The following TUSC3 variants were observed in gnomAD, a reference collection of about 807,000 sequenced individuals.
TUSC3 encodes tumor suppressor candidate 3.
Under a neutral mutation model 44.8 loss-of-function variants are expected in TUSC3, and 45 were observed. The ratio of observed to expected loss-of-function variants is 1.00; its 90% CI spans 0.79 to 1.29. The LOEUF (loss-of-function observed/expected upper bound fraction) is 1.29, where lower values mean the gene tolerates loss of function less well. TUSC3 is among the 50% of genes most tolerant of loss of function. The probability of loss-of-function intolerance (pLI) is 0.00; values close to 1 mark genes in which losing one functional copy is unlikely to be tolerated. For missense variants in TUSC3, 519 were observed against 437.9 expected (o/e 1.19, Z -1.65); for synonymous variants, 212 against 152.9 (o/e 1.39, Z -2.85).
At chr8:15,707,475 CA>C (rs1259706526) in intron 6 of TUSC3, among the ~76,000 whole-genome samples, 4 of 151,818 alleles carry the variant, frequency 2.6e-5, no homozygotes, top group African/African-American at 9.7e-5. Context: ...TGGCAAACAC[CA>C]CCACTAAATA....
At chr8:15,625,108 A>G (rs1805436747) in intron 2 of TUSC3, among the ~76,000 whole-genome samples, 1 of 152,130 alleles carries the variant, frequency 6.6e-6, no homozygotes, top group South Asian at 2.1e-4. Context: ...TTGTCACTTT[A>G]TGTAGTTTTT....
chr8:15,754,876 C>T (rs1263674713), intron 9 of TUSC3, among the ~76,000 whole-genome samples: 10 of 151,878 alleles, frequency 6.6e-5, no homozygotes, highest in Admixed American at 5.9e-4. Context: ...TGATCCTGTT[C>T]GGCTTATTCA....
the TUSC3 span, chr8:15,806,368 T>A: frequency 2.7e-6 from 2 of 735,196 alleles, no homozygotes; most frequent in Non-Finnish European, 5.2e-6. Context: ...TCCAGGTACT[T>A]GCCCAACTCT....
chr8:15,485,665 G>T (rs1346990252), intron 2 of TUSC3, among the ~76,000 whole-genome samples: 1 of 152,134 alleles, frequency 6.6e-6, no homozygotes, highest in East Asian at 1.9e-4. Flanking sequence ...GTGCAGGGAA[G>T]AGTATGTGTT....
chr8:15,623,359 C>G (rs1000379267), intron 2 of TUSC3, 110 bp downstream of exon 2: 2 of 1,102,432 alleles, frequency 1.8e-6, no homozygotes, highest in East Asian at 2.8e-5. Context: ...GTTTAATAGT[C>G]AAATATAACT....
the TUSC3 span, among the ~76,000 whole-genome samples, chr8:15,800,172 T>C: frequency 6.6e-6 from 1 of 152,320 alleles, no homozygotes; most frequent in East Asian, 1.9e-4. Flanking sequence ...GGGCAATCAG[T>C]GCCACGCTCA....
the TUSC3 span, among the ~76,000 whole-genome samples, chr8:15,847,804 A>G: frequency 6.6e-6 from 1 of 152,142 alleles, no homozygotes; most frequent in Non-Finnish European, 1.5e-5. Flanking sequence ...GTACCCCTGT[A>G]TCTAACACAA....
upstream of TUSC3, among the ~76,000 whole-genome samples, chr8:15,536,334 A>G (rs140973928): frequency 0.011 from 1,722 of 152,222 alleles, 17 homozygotes; most frequent in Non-Finnish European, 0.018. Context: ...CAGAGATAAT[A>G]CTTTACACTG....
chr8:15,793,687 G>C, the TUSC3 span, among the ~76,000 whole-genome samples: 1 of 152,158 alleles, frequency 6.6e-6, no homozygotes, highest in African/African-American at 2.4e-5. Context: ...AGTTCCATGA[G>C]GGCAGGATTT....
At chr8:15,518,966 C>G (rs964765750) in intron 2 of TUSC3, among the ~76,000 whole-genome samples, 2 of 152,032 alleles carry the variant, frequency 1.3e-5, no homozygotes, top group African/African-American at 2.4e-5. Flanking sequence ...AAACTAAAAT[C>G]GAATCAATAT....
At position 15,696,265 on chromosome 8, in the gene TUSC3, G is replaced by T. The variant is rs190643951; in HGVS notation, c.798+22429G>T. 3.7e-4 allele frequency among the ~76,000 whole-genome samples: 56 copies of T among 152,212 alleles called. No individual in the cohort carries two copies. In the East Asian group the frequency reaches 9.9e-3, roughly 27 times the overall value. On this transcript the variant is annotated intron_variant, in intron 6 of 10. Coordinates refer to ENST00000503731, the MANE Select transcript of TUSC3 (RefSeq NM_006765.4). ...TTGCTGCTCCAGCTGAGACTAGAAC[G>T]GGCCAAGGTACAGCTCGGGATGTGG...
chr8:15,836,107 T>G, the TUSC3 span, among the ~76,000 whole-genome samples: 1 of 151,972 alleles, frequency 6.6e-6, no homozygotes, highest in Non-Finnish European at 1.5e-5. Flanking sequence ...TTTGCTTCAT[T>G]TATTCTCATA....
intron 6 of TUSC3, among the ~76,000 whole-genome samples, chr8:15,711,085 T>C (rs1036484800): frequency 6.6e-6 from 1 of 151,728 alleles, no homozygotes; most frequent in African/African-American, 2.4e-5. Context: ...ATTAAAACAG[T>C]AGTCCCCAAA....
At chr8:15,760,978 C>T (rs914214610) in intron 10 of TUSC3, among the ~76,000 whole-genome samples, 1 of 152,158 alleles carries the variant, frequency 6.6e-6, no homozygotes, top group African/African-American at 2.4e-5. Flanking sequence ...TACTTAATCA[C>T]ACCCAGGTCT....
At chr8:15,652,579 G>A (rs1563155182) in intron 3 of TUSC3, among the ~76,000 whole-genome samples, 1 of 152,020 alleles carries the variant, frequency 6.6e-6, no homozygotes. Flanking sequence ...AATGATAATA[G>A]TAATAATAGT....
chr8:15,697,919 C>T lies in TUSC3; in HGVS notation c.798+24083C>T, dbSNP rs1809239907. Among the ~76,000 whole-genome samples, 3 of 152,200 alleles carry T rather than the reference C, an allele frequency of 2.0e-5. No individual in the cohort carries two copies. In the South Asian group the frequency reaches 6.2e-4, roughly 32 times the overall value. On this transcript the variant is annotated intron_variant, in intron 6 of 10. Transcript: ENST00000503731. The stretch of plus-strand genomic sequence containing the variant: ...AGTATTTAGTCTAGTTAATAAATTA[C>T]CTTATACAGATTATATCAGAGTTTA...
chr8:15,547,207 G>C (rs1801900589), intron 1 of TUSC3, among the ~76,000 whole-genome samples: 1 of 151,606 alleles, frequency 6.6e-6, no homozygotes, highest in African/African-American at 2.4e-5. Flanking sequence ...CTTTAGTACA[G>C]GTTAAATAAG....
At chr8:15,435,395 G>C (rs905574849) in intron 1 of TUSC3, among the ~76,000 whole-genome samples, 1 of 152,088 alleles carries the variant, frequency 6.6e-6, no homozygotes, top group Admixed American at 6.6e-5. Context: ...TTAATGGAAA[G>C]GGCTTGAAAA....
intron 1 of TUSC3, among the ~76,000 whole-genome samples, chr8:15,437,313 T>A (rs571835569): frequency 6.6e-6 from 1 of 152,310 alleles, no homozygotes. Flanking sequence ...AACTTGAGGC[T>A]GTTTAGTCTA....
Sources: allele counts gnomAD v4.1 joint callset (sites outside exome capture counted in the v4.1 genomes callset), GRCh38; gene constraint gnomAD v4.1.1; transcripts MANE v1.5; gene names NCBI Gene and HGNC (gene_info 2026-07-23, HGNC 2026-07-21).